Variants in FBN2 observed in about 807,000 individuals in gnomAD.
FBN2 encodes the protein fibrillin 2.
Under a neutral mutation model 355.6 loss-of-function variants are expected in FBN2, and 105 were observed. The observed-to-expected ratio is 0.30, with a 90% CI of 0.25 to 0.35. The LOEUF is 0.35. FBN2 is among the 10% of genes least tolerant of loss of function. The probability of loss-of-function intolerance (pLI) is 1.00; values close to 1 mark genes in which losing one functional copy is unlikely to be tolerated. For missense variants in FBN2, 3,280 were observed against 3,758.7 expected, an observed-to-expected ratio of 0.87 and a Z score of 3.33; for synonymous variants, 1,350 against 1,301.2, an observed-to-expected ratio of 1.04 and a Z score of -0.81.
chr5:128,517,493 A>C (rs1393985977), intron 5 of FBN2, among the ~76,000 whole-genome samples: 1 of 152,186 alleles, frequency 6.6e-6, no homozygotes, highest in East Asian at 1.9e-4. Flanking sequence ...CATCTGGTAA[A>C]GACATTTAAA....
At chr5:128,456,608 C>T (rs1754401517) in intron 6 of FBN2, among the ~76,000 whole-genome samples, 1 of 152,098 alleles carries the variant, frequency 6.6e-6, no homozygotes, top group South Asian at 2.1e-4. Context: ...CTGCGGCTCT[C>T]TAGTCTCCTT....
chr5:128,290,155 G>C (rs185251450), intron 50 of FBN2, among the ~76,000 whole-genome samples: 8 of 152,286 alleles, frequency 5.3e-5, no homozygotes, highest in Admixed American at 2.0e-4. Context: ...CAGTGCTCCT[G>C]GTTCTTTCTG....
chr5:128,318,688 ATAT>A lies in FBN2; in HGVS notation c.4594+188_4594+190del, dbSNP rs1405928073. Among the ~76,000 whole-genome samples, 5 of 152,142 alleles carry A rather than the reference ATAT, an allele frequency of 3.3e-5. No individual in the cohort carries two copies. The East Asian group carries it at 9.6e-4, about 29-fold the overall frequency. ...TAACAATCATACAGATAACAATTTA[ATAT>A]TATTTACATAAAAATGCATCAATTC... On this transcript the variant is annotated intron_variant, in intron 35 of 64. Coordinates refer to ENST00000262464, the MANE Select transcript of FBN2 (RefSeq NM_001999.4).
At position 128,318,174 on chromosome 5, in the gene FBN2, C is replaced by G; in HGVS notation, c.4692G>C (p.Leu1564Phe). 1 of 1,614,120 alleles carries G rather than the reference C, an allele frequency of 6.2e-7. No individual in the cohort carries two copies. The highest frequency in any genetic ancestry group is 8.5e-7 in the Non-Finnish European group (1 of 1,179,968). ...CAACACAACCCACACCAGTTGGGTT[C>G]AACTGAAAATCGGGTGGGCAGTTAC... is the stretch of plus-strand genomic sequence containing the variant. Reference protein sequence around the residue: ...YECNCPPDFQLNPTGVGCVDN... With the variant: ...YECNCPPDFQFNPTGVGCVDN... The change falls in exon 36 of 65, where the codon TTG (leucine) becomes TTC (phenylalanine). Residue 1564 changes from leucine to phenylalanine, a missense_variant. By Grantham distance (22) the Leu-to-Phe change is conservative. This residue lies in a region of FBN2 where 2,284 missense variants were observed against 2,749.5 expected (regional missense o/e 0.83). Transcript: ENST00000262464.
intron 5 of FBN2, among the ~76,000 whole-genome samples, chr5:128,495,064 C>A (rs1484443828): frequency 6.6e-6 from 1 of 151,990 alleles, no homozygotes; most frequent in Admixed American, 6.6e-5. Context: ...CTGACAATGT[C>A]TCGTCAAAGT....
intron 7 of FBN2, among the ~76,000 whole-genome samples, chr5:128,421,085 T>G (rs1753339981): frequency 1.3e-5 from 2 of 152,298 alleles, no homozygotes; most frequent in South Asian, 2.1e-4. Context: ...AAGGCATGGA[T>G]GAGAAATGGG....
At chr5:128,328,848 TG>T in intron 33 of FBN2, 27 bp from the exon 34 acceptor site, 6 of 1,613,572 alleles carry the variant, frequency 3.7e-6, no homozygotes, top group Non-Finnish European at 5.1e-6. Context: ...ATTACATCTC[TG>T]TTAAGTTCCA....
chr5:128,275,534 T>C (rs1173668380), intron 59 of FBN2, among the ~76,000 whole-genome samples: 4 of 152,006 alleles, frequency 2.6e-5, no homozygotes, highest in African/African-American at 9.7e-5. Context: ...ATTAATTTCA[T>C]TCTGATGAGG....
intron 48 of FBN2, among the ~76,000 whole-genome samples, chr5:128,293,858 T>G (rs1749408701): frequency 6.6e-6 from 1 of 151,196 alleles, no homozygotes; most frequent in African/African-American, 2.5e-5. Flanking sequence ...TTATTATACT[T>G]TAAGTTTTAG....
chr5:128,377,669 C>T (rs1752114033), intron 13 of FBN2, 83 bp downstream of exon 13: 1 of 1,444,664 alleles, frequency 6.9e-7, no homozygotes, highest in Non-Finnish European at 9.7e-7. Context: ...GGTGTGTGAG[C>T]TTTCATGGAA....
chr5:128,436,745 C>A (rs979125926), intron 7 of FBN2, among the ~76,000 whole-genome samples: 1 of 151,272 alleles, frequency 6.6e-6, no homozygotes, highest in Non-Finnish European at 1.5e-5. Flanking sequence ...CTAATCTGAA[C>A]GATGTGTCCA....
chr5:128,537,641 G>A lies in FBN2; in HGVS notation c.-38C>T, dbSNP rs1455694808. On this transcript the variant is annotated 5_prime_UTR_variant, in exon 1 of 65. Coordinates refer to ENST00000262464, the MANE Select transcript of FBN2 (RefSeq NM_001999.4). ...AAGCGCGCGGCCGTAGACCCGCGGA[G>A]AGGGAGTGATCAAAGACAAAATCTG... 1.4e-5 allele frequency: 22 copies of A among 1,590,082 alleles called. No homozygotes were observed. The highest frequency in any genetic ancestry group is 1.6e-5 in the Non-Finnish European group (19 of 1,166,970).
chr5:128,504,537 A>C (rs540876509), intron 5 of FBN2, among the ~76,000 whole-genome samples: 20 of 152,322 alleles, frequency 1.3e-4, no homozygotes, highest in Non-Finnish European at 2.5e-4. Context: ...AAAAGGGATC[A>C]TTATGGAGCT....
chr5:128,377,832 C>T lies in FBN2; in HGVS notation c.1769G>A (p.Arg590Gln), dbSNP rs1752121518. 6.2e-7 allele frequency: 1 copy of T among 1,613,444 alleles called. No individual in the cohort carries two copies. The highest frequency in any genetic ancestry group is 8.5e-7 in the Non-Finnish European group (1 of 1,179,536). ...GAAACTTCCATCTGTGTTCACGCAT[C>T]GACCGTTTTTACAAAGAACCCCATT... is the stretch of plus-strand genomic sequence containing the variant. ...IQNGVLCKNG[R>Q]CVNTDGSFQC... is the part of the protein sequence containing the mutation. The change falls in exon 13 of 65, where the codon CGA (arginine) becomes CAA (glutamine). Residue 590 changes from arginine to glutamine, a missense_variant. By Grantham distance (43) the Arg-to-Gln change is conservative. This residue lies in a region of FBN2 where 2,284 missense variants were observed against 2,749.5 expected (regional missense o/e 0.83). Coordinates refer to ENST00000262464, the MANE Select transcript of FBN2 (RefSeq NM_001999.4).
chr5:128,286,884 AGCAAGCT>A, intron 54 of FBN2, 35 bp from the exon 55 acceptor site: 3 of 1,602,754 alleles, frequency 1.9e-6, no homozygotes, highest in Non-Finnish European at 2.6e-6. Context: ...AATTATCTGG[AGCAAGCT>A]GTAGTTTAGT....
At chr5:128,316,530 A>G (rs1168343608) in intron 36 of FBN2, among the ~76,000 whole-genome samples, 1 of 152,164 alleles carries the variant, frequency 6.6e-6, no homozygotes, top group Non-Finnish European at 1.5e-5. Flanking sequence ...AGAAACTCAT[A>G]AACTAAAATT....
intron 7 of FBN2, among the ~76,000 whole-genome samples, chr5:128,415,907 G>A (rs1254441766): frequency 6.6e-6 from 1 of 151,978 alleles, no homozygotes; most frequent in Non-Finnish European, 1.5e-5. Flanking sequence ...ACTGGAATAA[G>A]ATGACATCTC....
chr5:128,419,243 C>T (rs964001310), intron 7 of FBN2, among the ~76,000 whole-genome samples: 6 of 152,300 alleles, frequency 3.9e-5, no homozygotes, highest in East Asian at 1.9e-4. Context: ...CCACTAAACA[C>T]GTGTCATCTA....
At chr5:128,467,184 T>A (rs1464106528) in intron 5 of FBN2, among the ~76,000 whole-genome samples, 2 of 152,146 alleles carry the variant, frequency 1.3e-5, no homozygotes, top group African/African-American at 4.8e-5. Context: ...GTACCGTCTC[T>A]GTGGAGAAGG....
Sources: allele counts gnomAD v4.1 joint callset (sites outside exome capture counted in the v4.1 genomes callset), GRCh38; gene constraint gnomAD v4.1.1; regional missense constraint gnomAD v4.1.1; transcripts MANE v1.5; gene names NCBI Gene and HGNC (gene_info 2026-07-23, HGNC 2026-07-21).